Variants in VAT1L observed in about 807,000 individuals in gnomAD.
VAT1L encodes the protein putative NADPH-dependent quinone oxidoreductase VAT1L.
VAT1L carries 34 observed loss-of-function variants against 44.1 expected under a neutral mutation model. The observed-to-expected ratio is 0.77, with a 90% confidence interval of 0.59 to 1.03. The LOEUF is 1.03. VAT1L is among the 50% of genes least tolerant of loss of function. VAT1L has a pLI of 0.00. For missense variants in VAT1L, 615 were observed against 538.8 expected (o/e 1.14, Z -1.40); for synonymous variants, 253 against 202.2 (o/e 1.25, Z -2.13).
At chr16:77,970,664 T>C (rs1036022870) in intron 7 of VAT1L, among the ~76,000 whole-genome samples, 3 of 152,226 alleles carry the variant, frequency 2.0e-5, no homozygotes, top group African/African-American at 7.2e-5. Context: ...AAAGCAATAC[T>C]GTAATTGAGT....
chr16:77,899,169 G>A (rs895353064), intron 7 of VAT1L, among the ~76,000 whole-genome samples: 3 of 151,918 alleles, frequency 2.0e-5, no homozygotes, highest in Non-Finnish European at 2.9e-5. Context: ...TACAGATGAG[G>A]GCACTGAGGC....
chr16:77,819,426 C>T (rs769381069), intron 2 of VAT1L, among the ~76,000 whole-genome samples: 18 of 151,796 alleles, frequency 1.2e-4, no homozygotes, highest in South Asian at 4.2e-4. Flanking sequence ...CTGTCACCTA[C>T]GCTAGAGTGC....
intron 7 of VAT1L, among the ~76,000 whole-genome samples, chr16:77,897,944 G>C (rs1077447): frequency 0.63 from 95,658 of 152,078 alleles, 30,417 homozygotes; most frequent in African/African-American, 0.7. Context: ...CAAGCCAAGG[G>C]GCTTACACAA....
In VAT1L at chr16:77,879,506, G is replaced by A. The variant is rs1008920263; in HGVS notation, c.882+282G>A. ...GGGTTTCACCGTGTTGGCCAGGATG[G>A]TCTCAATCTGACCTCGTGATCTGCC... is the stretch of plus-strand genomic sequence containing the variant. On this transcript the variant is annotated intron_variant, in intron 6 of 8. Coordinates refer to ENST00000302536, the MANE Select transcript of VAT1L (RefSeq NM_020927.3). This position sits in a 1 kb window ranked among gnomAD's most constrained non-coding sequence, Gnocchi z 4.1. 3.3e-5 allele frequency among the ~76,000 whole-genome samples: 5 copies of A among 152,092 alleles called. No individual in the cohort carries two copies. In the East Asian group the frequency reaches 9.7e-4, roughly 29 times the overall value.
At chr16:77,886,165 G>A (rs918439932) in intron 7 of VAT1L, among the ~76,000 whole-genome samples, 4 of 152,046 alleles carry the variant, frequency 2.6e-5, no homozygotes, top group East Asian at 1.9e-4. Flanking sequence ...GTGCTAAATC[G>A]TATCAGATAA....
At chr16:77,823,057 G>A (rs2016478165) in intron 2 of VAT1L, among the ~76,000 whole-genome samples, 1 of 151,984 alleles carries the variant, frequency 6.6e-6, no homozygotes, top group South Asian at 2.1e-4. Context: ...TCATCCTGTA[G>A]CCAAACGGAC....
intron 3 of VAT1L, among the ~76,000 whole-genome samples, chr16:77,856,013 A>AAAAC (rs372155498): frequency 9.9e-4 from 150 of 152,124 alleles, no homozygotes; most frequent in South Asian, 3.9e-3. Context: ...AGACTCCGTC[A>AAAAC]AAACAAACAA....
chr16:77,863,985 G>C (rs1261171700), intron 4 of VAT1L, among the ~76,000 whole-genome samples: 2 of 152,190 alleles, frequency 1.3e-5, no homozygotes, highest in Non-Finnish European at 2.9e-5. Context: ...GGGGCTGCAA[G>C]ATCATTTGCT....
At chr16:77,963,582 A>G (rs1474741764) in intron 7 of VAT1L, among the ~76,000 whole-genome samples, 2 of 152,074 alleles carry the variant, frequency 1.3e-5, no homozygotes, top group African/African-American at 4.8e-5. Flanking sequence ...CAGTAATAAT[A>G]GGAAACTGAT....
At chr16:77,927,796 G>A (rs995210878) in intron 7 of VAT1L, among the ~76,000 whole-genome samples, 4 of 152,028 alleles carry the variant, frequency 2.6e-5, no homozygotes, top group Non-Finnish European at 5.9e-5. Context: ...TTGAACCCGG[G>A]AGGTGGAGGT....
At chr16:77,888,631 G>C (rs1251664263) in intron 7 of VAT1L, among the ~76,000 whole-genome samples, 1 of 152,166 alleles carries the variant, frequency 6.6e-6, no homozygotes, top group Non-Finnish European at 1.5e-5. Context: ...TTTTTTGCTG[G>C]GTAGGGAGGG....
intron 3 of VAT1L, among the ~76,000 whole-genome samples, chr16:77,845,060 A>G (rs1300937757): frequency 1.3e-5 from 2 of 152,204 alleles, no homozygotes; most frequent in Non-Finnish European, 2.9e-5. Flanking sequence ...AGGACTTGCC[A>G]TCAAGATTAA....
At chr16:77,825,519 A>T (rs1048405642) in intron 3 of VAT1L, 58 bp downstream of exon 3, 1 of 1,526,814 alleles carries the variant, frequency 6.5e-7, no homozygotes, top group Non-Finnish European at 8.9e-7. Context: ...AAGTGGAGTG[A>T]CACCCCCCTG....
chr16:77,864,997 G>A (rs529427261), intron 4 of VAT1L, among the ~76,000 whole-genome samples: 5 of 134,478 alleles, frequency 3.7e-5, no homozygotes, highest in South Asian at 2.3e-4. Context: ...TTTTTGAGAC[G>A]GAGTCTCGCT....
chr16:77,862,583 A>G (rs751978196), intron 3 of VAT1L, among the ~76,000 whole-genome samples, 165 bp from the exon 4 acceptor site: 2 of 146,962 alleles, frequency 1.4e-5, no homozygotes, highest in South Asian at 2.2e-4. Context: ...ACCACTGCAC[A>G]TTGCACTCCA....
intron 4 of VAT1L, among the ~76,000 whole-genome samples, chr16:77,864,443 C>A (rs201934327): frequency 6.0e-5 from 8 of 133,558 alleles, no homozygotes; most frequent in African/African-American, 2.5e-4. Flanking sequence ...TGCCCCCCCA[C>A]AAAAATACAA....
At chr16:77,818,277 A>G (rs886729130) in intron 2 of VAT1L, among the ~76,000 whole-genome samples, 3 of 152,208 alleles carry the variant, frequency 2.0e-5, no homozygotes, top group Non-Finnish European at 2.9e-5. Context: ...AAAGATCAAT[A>G]TGCTCCAAAT....
chr16:77,950,409 A>AACACAC (rs61168492), intron 7 of VAT1L, among the ~76,000 whole-genome samples: 10,750 of 131,226 alleles, frequency 0.082, 604 homozygotes, highest in East Asian at 0.16. Flanking sequence ...ATTCCATCTA[A>AACACAC]ACACACACAC....
At chr16:77,799,474 A>G (rs1204228954) in intron 1 of VAT1L, among the ~76,000 whole-genome samples, 2 of 151,094 alleles carry the variant, frequency 1.3e-5, no homozygotes, top group African/African-American at 2.4e-5. Flanking sequence ...GAAGGTAAGC[A>G]TCATGTCTGA....
Sources: gnomAD v4.1 joint callset for allele counts (sites outside exome capture counted in the v4.1 genomes callset) on GRCh38, gnomAD v4.1.1 for gene constraint, Gnocchi (gnomAD v3.1) non-coding constraint, MANE v1.5 for transcripts, NCBI Gene and HGNC (gene_info 2026-07-23, HGNC 2026-07-21) for gene names.